Variants in SGCZ observed in about 807,000 individuals in gnomAD.
SGCZ encodes the protein sarcoglycan zeta.
SGCZ carries 40 observed loss-of-function variants against 41.3 expected under a neutral mutation model. That is an observed-to-expected ratio of 0.97 (90% CI 0.75 to 1.26). The LOEUF (loss-of-function observed/expected upper bound fraction) is 1.26, where lower values mean the gene tolerates loss of function less well. Among genes scored for constraint, SGCZ ranks in the 50% most tolerant of loss-of-function variants. SGCZ has a pLI of 0.00. For synonymous variants in SGCZ, 206 were observed against 137.5 expected, an observed-to-expected ratio of 1.50 and a Z score of -3.49; for missense variants, 552 against 369.8, an observed-to-expected ratio of 1.49 and a Z score of -4.04.
chr8:14,328,914 A>G (rs1318265334), intron 2 of SGCZ, among the ~76,000 whole-genome samples: 2 of 152,216 alleles, frequency 1.3e-5, no homozygotes, highest in Non-Finnish European at 2.9e-5. Flanking sequence ...TCCCCCAGGT[A>G]GGATACAGAG....
At chr8:14,794,669 G>C (rs1017350267) in intron 1 of SGCZ, among the ~76,000 whole-genome samples, 2 of 152,290 alleles carry the variant, frequency 1.3e-5, no homozygotes, top group Middle Eastern at 3.4e-3. Flanking sequence ...AAGACTGAAA[G>C]GTATAGGGTC....
chr8:14,108,310 A>G, intron 5 of SGCZ, 75 bp from the exon 6 acceptor site: 2 of 1,325,496 alleles, frequency 1.5e-6, no homozygotes, highest in South Asian at 1.2e-5. Context: ...TTTATGCATC[A>G]AATATTCTTC....
chr8:14,943,703 G>A (rs571771017), intron 1 of SGCZ, among the ~76,000 whole-genome samples: 29 of 152,182 alleles, frequency 1.9e-4, no homozygotes, highest in Admixed American at 4.6e-4. Flanking sequence ...CACTCAATAC[G>A]TAGTTTTTTA....
At chr8:15,118,602 T>C (rs1346826116) in intron 1 of SGCZ, among the ~76,000 whole-genome samples, 5 of 152,182 alleles carry the variant, frequency 3.3e-5, no homozygotes, top group Non-Finnish European at 5.9e-5. Context: ...AATGGGTAGT[T>C]CAAAGGGTCT....
At chr8:14,251,003 G>A (rs9325699) in intron 3 of SGCZ, among the ~76,000 whole-genome samples, 101,266 of 151,822 alleles carry the variant, frequency 0.67, 34,161 homozygotes, top group South Asian at 0.78. Context: ...TGAGGTGGAG[G>A]GATCACCTGA....
At chr8:14,555,725 A>G (rs1199474765) in intron 1 of SGCZ, among the ~76,000 whole-genome samples, 1 of 152,066 alleles carries the variant, frequency 6.6e-6, no homozygotes, top group Non-Finnish European at 1.5e-5. Context: ...GATTTTCTGT[A>G]CCTTTCTCTA....
intron 1 of SGCZ, among the ~76,000 whole-genome samples, chr8:14,735,095 A>G (rs1510457): frequency 0.38 from 57,985 of 152,054 alleles, 12,991 homozygotes; most frequent in Non-Finnish European, 0.51. Flanking sequence ...ATGAATCCCC[A>G]AAAAGACGGT....
chr8:14,786,900 C>A (rs975739246), intron 1 of SGCZ, among the ~76,000 whole-genome samples: 2 of 148,380 alleles, frequency 1.3e-5, no homozygotes, highest in Non-Finnish European at 1.5e-5. Flanking sequence ...AGCCCCCATA[C>A]AACCATGCTG....
chr8:15,052,523 T>A (rs1804551168), intron 1 of SGCZ, among the ~76,000 whole-genome samples: 1 of 152,120 alleles, frequency 6.6e-6, no homozygotes, highest in Non-Finnish European at 1.5e-5. Context: ...GGCATTGCAC[T>A]GTGGGCTTCG....
At chr8:14,472,876 C>T (rs996988249) in intron 2 of SGCZ, among the ~76,000 whole-genome samples, 1 of 152,042 alleles carries the variant, frequency 6.6e-6, no homozygotes, top group Non-Finnish European at 1.5e-5. Flanking sequence ...GCTAAGTTAT[C>T]CCTGAAGACA....
intron 1 of SGCZ, among the ~76,000 whole-genome samples, chr8:14,781,092 T>C (rs1383375955): frequency 3.3e-5 from 5 of 152,226 alleles, no homozygotes; most frequent in East Asian, 1.9e-4. Context: ...CAGTCAGCAT[T>C]CTGACTCAGT....
At chr8:14,892,993 G>A (rs1025747402) in intron 1 of SGCZ, among the ~76,000 whole-genome samples, 3 of 152,160 alleles carry the variant, frequency 2.0e-5, no homozygotes, top group African/African-American at 7.2e-5. Context: ...AGAGCATATG[G>A]TAGGCAGAAG....
At chr8:14,534,107 C>A (rs1803221046) in intron 2 of SGCZ, among the ~76,000 whole-genome samples, 1 of 151,954 alleles carries the variant, frequency 6.6e-6, no homozygotes, top group African/African-American at 2.4e-5. Flanking sequence ...CCCAATACAT[C>A]CTTCGGGAAT....
intron 1 of SGCZ, among the ~76,000 whole-genome samples, chr8:14,907,565 G>A (rs550080500): frequency 3.3e-5 from 5 of 152,186 alleles, no homozygotes; most frequent in African/African-American, 1.2e-4. Context: ...TCTTAATAAA[G>A]AATAAAGGCT....
chr8:14,551,720 T>C lies in SGCZ; in HGVS notation c.234+3012A>G, dbSNP rs560975078. 1.0e-4 allele frequency among the ~76,000 whole-genome samples: 10 copies of C among 95,534 alleles called. No individual in the cohort carries two copies. The East Asian group carries it at 2.6e-3, about 25-fold the overall frequency. 62.7% of individuals were successfully genotyped at this position (95,534 alleles called of 152,430 possible). A position where few individuals can be genotyped will look rare whatever the true frequency, so the allele number is the denominator to read the frequency against. ...AATTATTTATTTCTATCCTAAGTCT[T>C]TCATCCTGTAATATAAAGTCATTTC... On this transcript the variant is annotated intron_variant, in intron 2 of 7. Coordinates refer to ENST00000382080, the MANE Select transcript of SGCZ (RefSeq NM_139167.4).
intron 1 of SGCZ, among the ~76,000 whole-genome samples, chr8:14,782,078 C>T (rs113031477): frequency 1.2e-4 from 18 of 151,994 alleles, no homozygotes; most frequent in Non-Finnish European, 1.9e-4. Context: ...CTTTTGATAC[C>T]GATGTATTTA....
intron 1 of SGCZ, among the ~76,000 whole-genome samples, chr8:14,785,755 C>T (rs2130451122): frequency 6.6e-6 from 1 of 152,262 alleles, no homozygotes; most frequent in African/African-American, 2.4e-5. Context: ...TTCACACGGG[C>T]TTTAACTTGT....
chr8:14,649,085 T>A (rs1807315540), intron 1 of SGCZ, among the ~76,000 whole-genome samples: 1 of 152,162 alleles, frequency 6.6e-6, no homozygotes, highest in Admixed American at 6.6e-5. Context: ...GACTGCGTGT[T>A]TTCAAAAGCG....
rs1322884184 is a variant in SGCZ, at chr8:15,172,152, C to CGGTTTTT, written c.39+65432_39+65433insAAAAACC. Among the ~76,000 whole-genome samples, 59 of 70,534 alleles carry CGGTTTTT rather than the reference C, an allele frequency of 8.4e-4. 1 individual carries two copies. Among genetic ancestry groups the CGGTTTTT allele is most frequent in the East Asian group, 1.3e-3 (3 of 2,384 alleles). The allele number at this position is 70,534 out of a possible 152,430, so 46.3% of individuals were successfully genotyped here. On this transcript the variant is annotated intron_variant, in intron 1 of 7. Coordinates refer to ENST00000382080, the MANE Select transcript of SGCZ (RefSeq NM_139167.4). ...AAAGGAAAAAAATGCCTTTTATACTCTGTTTTTTTTTTTTTTTTTTTTTTT... is the reference window on the plus strand; with the variant it reads ...AAAGGAAAAAAATGCCTTTTATACTCGGTTTTTTGTTTTTTTTTTTTTTTTTTTTTTT...
Sources: allele counts gnomAD v4.1 joint callset (sites outside exome capture counted in the v4.1 genomes callset), GRCh38; gene constraint gnomAD v4.1.1; transcripts MANE v1.5; gene names NCBI Gene and HGNC (gene_info 2026-07-23, HGNC 2026-07-21).